Variants in NCKAP5 observed in about 807,000 individuals in gnomAD.
NCKAP5 encodes NCK associated protein 5.
In NCKAP5, 92 loss-of-function variants were observed where a neutral mutation model predicts 167.0. The ratio of observed to expected loss-of-function variants is 0.55; its 90% CI spans 0.47 to 0.66. NCKAP5 has a LOEUF of 0.66. NCKAP5 is among the 30% of genes least tolerant of loss of function. The probability of loss-of-function intolerance (pLI) is 0.00; values close to 1 mark genes in which losing one functional copy is unlikely to be tolerated. For missense variants in NCKAP5, 2,378 were observed against 2,315.0 expected, an observed-to-expected ratio of 1.03 and a Z score of -0.56; for synonymous variants, 891 against 877.4, an observed-to-expected ratio of 1.02 and a Z score of -0.27.
chr2:133,520,700 T>C lies in NCKAP5; in HGVS notation c.-61-3113A>G, dbSNP rs753020511. Among the ~76,000 whole-genome samples the C allele has an allele frequency of 8.5e-4, 130 of 152,192 alleles. 1 individual carries two copies. The highest frequency in any genetic ancestry group is 1.2e-3 in the Non-Finnish European group (81 of 68,024). On this transcript the variant is annotated intron_variant, in intron 2 of 19. Transcript: ENST00000409261. ...GGGGATCCTTTTGATAGTTCTCAAA[T>C]AGTCCAATCTGCCTATGTGGAAAGC... is the stretch of plus-strand genomic sequence containing the variant.
the NCKAP5 span, among the ~76,000 whole-genome samples, chr2:133,644,963 C>T: frequency 6.6e-6 from 1 of 152,062 alleles, no homozygotes; most frequent in Non-Finnish European, 1.5e-5. Context: ...TGACCATGAA[C>T]ATAATTTACT....
In NCKAP5 at chr2:132,784,722, A is replaced by G. The variant is rs375983982; in HGVS notation, c.2089T>C (p.Ser697Pro). 9.3e-6 allele frequency: 15 copies of G among 1,613,872 alleles called. No individual in the cohort carries two copies. The highest frequency in any genetic ancestry group is 1.7e-5 in the Admixed American group (1 of 59,990). The change falls in exon 14 of 20, where the codon TCC becomes CCC. Residue 697 changes from serine (S) to proline (P), a missense_variant. This residue lies in a region of NCKAP5 where 1,049 missense variants were observed against 1,023.4 expected (regional missense o/e 1.02). Coordinates refer to ENST00000409261, the MANE Select transcript of NCKAP5 (RefSeq NM_207363.3). ...GVVTVTRNEISINSTPAGPKA... is the reference protein window; with the variant it reads ...GVVTVTRNEIPINSTPAGPKA... ...GGTCCAGCAGGAGTTGAATTGATGG[A>G]AATCTCATTTCTGGTAACAGTGACA...
chr2:133,320,736 A>G (rs542089113), intron 3 of NCKAP5, among the ~76,000 whole-genome samples: 2 of 151,760 alleles, frequency 1.3e-5, no homozygotes, highest in South Asian at 4.2e-4. Flanking sequence ...AAACAAACAA[A>G]CAAAAAAAAA....
intron 8 of NCKAP5, among the ~76,000 whole-genome samples, chr2:132,951,363 T>C (rs2076182264): frequency 1.3e-5 from 2 of 152,178 alleles, no homozygotes; most frequent in Admixed American, 1.3e-4. Context: ...TAAAGATGTA[T>C]TTCAGATATT....
At chr2:133,140,371 C>T (rs1235393908) in intron 5 of NCKAP5, among the ~76,000 whole-genome samples, 1 of 152,152 alleles carries the variant, frequency 6.6e-6, no homozygotes, top group Admixed American at 6.6e-5. Context: ...ATTTTACCCC[C>T]AACTCTGTTC....
At chr2:133,308,938 C>T (rs1681026862) in intron 3 of NCKAP5, among the ~76,000 whole-genome samples, 1 of 150,350 alleles carries the variant, frequency 6.7e-6, no homozygotes, top group Admixed American at 6.6e-5. Flanking sequence ...TCTCGATCTC[C>T]TGACCTCATG....
At chr2:132,744,385 T>G (rs1265121907) in intron 16 of NCKAP5, among the ~76,000 whole-genome samples, 1 of 151,532 alleles carries the variant, frequency 6.6e-6, no homozygotes, top group African/African-American at 2.4e-5. Context: ...CTAGAAAAAT[T>G]TCCAAACATT....
At chr2:133,142,491 T>C (rs903903757) in intron 5 of NCKAP5, among the ~76,000 whole-genome samples, 3 of 152,150 alleles carry the variant, frequency 2.0e-5, no homozygotes, top group African/African-American at 7.2e-5. Context: ...TGTTCTCAGG[T>C]GCCCTTTTTG....
At position 133,069,144 on chromosome 2, in the gene NCKAP5, A is replaced by C. The variant is rs2080299740; in HGVS notation, c.341+60834T>G. ...TATTCACGGTTCAATGGAGAGATGG[A>C]AAATTAGATGCCTTAAGGTCTTTCT... is the stretch of plus-strand genomic sequence containing the variant. On this transcript the variant is annotated intron_variant, in intron 6 of 19. Coordinates refer to ENST00000409261, the MANE Select transcript of NCKAP5 (RefSeq NM_207363.3). 2.0e-5 allele frequency among the ~76,000 whole-genome samples: 3 copies of C among 152,352 alleles called. No homozygotes were observed. The South Asian group carries it at 6.2e-4, about 32-fold the overall frequency.
chr2:132,699,440 C>T (rs1687665502), intron 19 of NCKAP5, among the ~76,000 whole-genome samples: 1 of 151,974 alleles, frequency 6.6e-6, no homozygotes. Flanking sequence ...TTAACTCGTC[C>T]TTTACATTAG....
At chr2:133,246,822 A>C (rs1397050736) in intron 4 of NCKAP5, among the ~76,000 whole-genome samples, 4 of 152,246 alleles carry the variant, frequency 2.6e-5, no homozygotes, top group African/African-American at 9.6e-5. Context: ...GAGGAGATGC[A>C]GAATAAATGA....
chr2:133,277,575 C>T (rs182723273), intron 4 of NCKAP5, among the ~76,000 whole-genome samples: 5 of 152,092 alleles, frequency 3.3e-5, no homozygotes, highest in Non-Finnish European at 5.9e-5. Flanking sequence ...TAAAGCTGTC[C>T]GTTCTAAGTT....
intron 2 of NCKAP5, among the ~76,000 whole-genome samples, chr2:133,546,405 A>C (rs900461521): frequency 2.0e-5 from 3 of 152,172 alleles, no homozygotes; most frequent in African/African-American, 7.2e-5. Context: ...CCTCTGTGGA[A>C]CTTCCCTGGA....
intron 3 of NCKAP5, among the ~76,000 whole-genome samples, chr2:133,416,168 T>A (rs1689095078): frequency 6.6e-6 from 1 of 152,210 alleles, no homozygotes; most frequent in African/African-American, 2.4e-5. Flanking sequence ...ACCTCCTCTA[T>A]GCCAGGCGCT....
At chr2:133,274,843 AC>A (rs1453611287) in intron 4 of NCKAP5, among the ~76,000 whole-genome samples, 2 of 152,020 alleles carry the variant, frequency 1.3e-5, no homozygotes, top group Non-Finnish European at 2.9e-5. Flanking sequence ...CAGATTAAAA[AC>A]TAAACATAAA....
At chr2:133,540,367 C>A (rs912200708) in intron 2 of NCKAP5, among the ~76,000 whole-genome samples, 3 of 151,982 alleles carry the variant, frequency 2.0e-5, no homozygotes, top group African/African-American at 7.2e-5. Context: ...AATGAATGAA[C>A]ACAAGACAAT....
chr2:133,063,677 T>TA (rs2080088193), intron 6 of NCKAP5, among the ~76,000 whole-genome samples: 1 of 152,212 alleles, frequency 6.6e-6, no homozygotes, highest in South Asian at 2.1e-4. Flanking sequence ...AACTCACATT[T>TA]GCCCTTATAC....
chr2:132,717,826 C>T (rs954013046), intron 19 of NCKAP5, among the ~76,000 whole-genome samples: 6 of 152,168 alleles, frequency 3.9e-5, no homozygotes, highest in Non-Finnish European at 5.9e-5. Flanking sequence ...TATCATCAAG[C>T]GGCTGGGGGA....
chr2:132,891,064 G>A lies in NCKAP5; in HGVS notation c.580-12148C>T, dbSNP rs369859645. 5.3e-5 allele frequency among the ~76,000 whole-genome samples: 8 copies of A among 152,288 alleles called. No individual in the cohort carries two copies. In the South Asian group the frequency reaches 8.3e-4, roughly 16 times the overall value. ...TTGTTTAAAAAAGTTGAGGAGCTAC[G>A]CCGTGAGAAGATGTGATGTAGAACC... On this transcript the variant is annotated intron_variant, in intron 8 of 19. Transcript: ENST00000409261.
Sources: gnomAD v4.1 joint callset for allele counts (sites outside exome capture counted in the v4.1 genomes callset) on GRCh38, gnomAD v4.1.1 for gene constraint, gnomAD v4.1.1 regional missense constraint, MANE v1.5 for transcripts, NCBI Gene and HGNC (gene_info 2026-07-23, HGNC 2026-07-21) for gene names.